TTLL11: variants seen among roughly 807,000 people sequenced by gnomAD.
TTLL11 encodes tubulin polyglutamylase TTLL11.
In TTLL11, 42 loss-of-function variants were observed where a neutral mutation model predicts 51.7. The ratio of observed to expected loss-of-function variants is 0.81; its 90% confidence interval spans 0.64 to 1.05. The LOEUF (loss-of-function observed/expected upper bound fraction) is 1.05, where lower values mean the gene tolerates loss of function less well. Ranked by LOEUF, TTLL11 falls within the 50% of genes least tolerant of loss-of-function variation. TTLL11 has a pLI of 0.00. For missense variants in TTLL11, 799 were observed against 940.4 expected, an observed-to-expected ratio of 0.85 and a Z score of 1.97; for synonymous variants, 381 against 383.5, an observed-to-expected ratio of 0.99 and a Z score of 0.08.
At chr9:122,056,268 A>C (rs112790306) in intron 1 of TTLL11, among the ~76,000 whole-genome samples, 2 of 152,188 alleles carry the variant, frequency 1.3e-5, no homozygotes, top group Non-Finnish European at 2.9e-5. Flanking sequence ...CTGCCACAAG[A>C]GACTCGAGTC....
At chr9:121,932,613 G>C (rs1841033216) in intron 6 of TTLL11, among the ~76,000 whole-genome samples, 2 of 152,130 alleles carry the variant, frequency 1.3e-5, no homozygotes, top group African/African-American at 4.8e-5. Context: ...TATTACAAAG[G>C]CTTTCTTAAC....
intron 6 of TTLL11, among the ~76,000 whole-genome samples, chr9:121,962,861 C>T (rs1842280092): frequency 6.6e-6 from 1 of 152,246 alleles, no homozygotes; most frequent in African/African-American, 2.4e-5. Flanking sequence ...GGGTTCTGCG[C>T]TTGGCCCTGG....
intron 6 of TTLL11, among the ~76,000 whole-genome samples, chr9:121,969,265 T>A (rs763617236): frequency 6.6e-6 from 1 of 152,006 alleles, no homozygotes; most frequent in Non-Finnish European, 1.5e-5. Flanking sequence ...TCACCACCAG[T>A]TGGTGACAGA....
intron 6 of TTLL11, among the ~76,000 whole-genome samples, chr9:121,955,929 A>T (rs954409474): frequency 2.2e-4 from 33 of 152,336 alleles, no homozygotes; most frequent in Non-Finnish European, 7.3e-5. Context: ...TTGGGAGTGG[A>T]ACATAATTTA....
intron 6 of TTLL11, among the ~76,000 whole-genome samples, chr9:121,910,714 T>C (rs949560561): frequency 6.6e-6 from 1 of 152,196 alleles, no homozygotes; most frequent in African/African-American, 2.4e-5. Context: ...TTTGGGCAAG[T>C]GCAATTTCAA....
intron 8 of TTLL11, among the ~76,000 whole-genome samples, chr9:121,825,230 TGA>T (rs1242718464): frequency 6.6e-6 from 1 of 151,962 alleles, no homozygotes; most frequent in Non-Finnish European, 1.5e-5. Context: ...TGTGTGTGTG[TGA>T]GATGGTCGGG....
intron 6 of TTLL11, among the ~76,000 whole-genome samples, chr9:121,897,061 A>T (rs1303254582): frequency 6.6e-6 from 1 of 152,204 alleles, no homozygotes; most frequent in Non-Finnish European, 1.5e-5. Flanking sequence ...CTTATTAAGG[A>T]AACCTGAATG....
chr9:122,030,521 C>A (rs1180678119), intron 3 of TTLL11, among the ~76,000 whole-genome samples: 2 of 152,056 alleles, frequency 1.3e-5, no homozygotes, highest in East Asian at 1.9e-4. Flanking sequence ...AGGTTTTAAA[C>A]CTTACTTCTC....
At chr9:121,860,553 T>G in intron 7 of TTLL11, 110 bp from the exon 8 acceptor site, 1 of 847,172 alleles carries the variant, frequency 1.2e-6, no homozygotes, top group Non-Finnish European at 1.9e-6. Flanking sequence ...ATCCATAGGT[T>G]GAAATCCTAT....
chr9:121,822,464 G>T lies in TTLL11; in HGVS notation c.*123C>A. 1 of 943,594 alleles carries T rather than the reference G, an allele frequency of 1.1e-6. No individual in the cohort carries two copies. The highest frequency in any genetic ancestry group is 1.5e-6 in the Non-Finnish European group (1 of 663,392). 58.5% of individuals were successfully genotyped at this position (943,594 alleles called of 1,614,324 possible). A position where few individuals can be genotyped will look rare whatever the true frequency, so the allele number is the denominator to read the frequency against. ...GCTCAGCCGCACACAGAGACAGTTC[G>T]TGGGGACCTCAGCTGGGCCCCTCGG... On this transcript the variant is annotated 3_prime_UTR_variant, in exon 9 of 9. Transcript: ENST00000321582. This position sits in a 1 kb window ranked among gnomAD's most constrained non-coding sequence, Gnocchi z 5.8.
chr9:122,056,767 T>C (rs1845300115), intron 1 of TTLL11, among the ~76,000 whole-genome samples: 1 of 152,226 alleles, frequency 6.6e-6, no homozygotes, highest in Non-Finnish European at 1.5e-5. Flanking sequence ...GGTGTCCATG[T>C]CTATGTCAAG....
intron 8 of TTLL11, among the ~76,000 whole-genome samples, chr9:121,850,734 C>T (rs576260085): frequency 6.6e-6 from 1 of 152,284 alleles, no homozygotes; most frequent in East Asian, 1.9e-4. Context: ...CTGTCACAGA[C>T]ACACCCAGAA....
intron 3 of TTLL11, among the ~76,000 whole-genome samples, chr9:122,024,287 T>C (rs1306613251): frequency 1.1e-4 from 16 of 152,050 alleles, no homozygotes. Flanking sequence ...TTCAAAGAAA[T>C]TAAAGACCTA....
intron 4 of TTLL11, among the ~76,000 whole-genome samples, chr9:121,975,808 A>G (rs1194802942): frequency 6.6e-6 from 1 of 152,152 alleles, no homozygotes; most frequent in Middle Eastern, 3.2e-3. Context: ...AATAAAGCAA[A>G]TTCCCCAGGT....
At chr9:122,039,068 T>C (rs1844774624) in intron 2 of TTLL11, among the ~76,000 whole-genome samples, 1 of 152,218 alleles carries the variant, frequency 6.6e-6, no homozygotes, top group South Asian at 2.1e-4. Context: ...CTTCCACCAG[T>C]GGCATTAGAC....
intron 6 of TTLL11, among the ~76,000 whole-genome samples, chr9:121,937,934 T>C (rs1048386819): frequency 6.6e-6 from 1 of 152,112 alleles, no homozygotes; most frequent in South Asian, 2.1e-4. Context: ...TGATAAAAGA[T>C]GCCTACCAAA....
At chr9:122,090,070 G>A (rs1015185380) in intron 1 of TTLL11, among the ~76,000 whole-genome samples, 28 of 152,096 alleles carry the variant, frequency 1.8e-4, no homozygotes, top group African/African-American at 6.5e-4. Flanking sequence ...GTAGTGCCTT[G>A]GAAAAAGCCT....
intron 3 of TTLL11, among the ~76,000 whole-genome samples, chr9:122,012,480 C>T (rs1329578336): frequency 2.0e-5 from 3 of 151,514 alleles, no homozygotes; most frequent in African/African-American, 4.8e-5. Flanking sequence ...CTCTAATGAT[C>T]GTATTCATCT....
chr9:121,906,523 G>A (rs1210084064), intron 6 of TTLL11, among the ~76,000 whole-genome samples: 14 of 152,034 alleles, frequency 9.2e-5, no homozygotes, highest in Admixed American at 8.5e-4. Context: ...CCTGGAAGGC[G>A]AAACCTAGTG....
Sources: allele counts gnomAD v4.1 joint callset (sites outside exome capture counted in the v4.1 genomes callset), GRCh38; gene constraint gnomAD v4.1.1; non-coding constraint Gnocchi (gnomAD v3.1); transcripts MANE v1.5; gene names NCBI Gene and HGNC (gene_info 2026-07-23, HGNC 2026-07-21).